PTPRT: variants seen among roughly 807,000 people sequenced by gnomAD.
PTPRT encodes receptor-type tyrosine-protein phosphatase T.
Under a neutral mutation model 176.8 loss-of-function variants are expected in PTPRT, and 56 were observed. That is an observed-to-expected ratio of 0.32 (90% CI 0.26 to 0.40). PTPRT has a LOEUF of 0.40. Among genes scored for constraint, PTPRT ranks in the 10% least tolerant of loss-of-function variants. The pLI is 1.00. For missense variants in PTPRT, 1,540 were observed against 1,908.2 expected, an observed-to-expected ratio of 0.81 and a Z score of 3.60; for synonymous variants, 783 against 739.0, an observed-to-expected ratio of 1.06 and a Z score of -0.96.
intron 1 of PTPRT, among the ~76,000 whole-genome samples, chr20:43,027,964 G>A (rs752752933): frequency 2.0e-5 from 3 of 152,056 alleles, no homozygotes; most frequent in Non-Finnish European, 2.9e-5. Flanking sequence ...AGCACTGCCC[G>A]TCACCCTAAG....
At chr20:42,626,749 G>C (rs6030376) in intron 7 of PTPRT, among the ~76,000 whole-genome samples, 59,790 of 152,060 alleles carry the variant, frequency 0.39, 14,114 homozygotes, top group African/African-American at 0.67. Context: ...AGGGCTGAGA[G>C]TTGAATCTGT....
At chr20:42,821,244 AG>A (rs2077888017) in intron 2 of PTPRT, among the ~76,000 whole-genome samples, 1 of 152,220 alleles carries the variant, frequency 6.6e-6, no homozygotes, top group Non-Finnish European at 1.5e-5. Context: ...CTGAGATGCA[AG>A]GCTGGTTCAA....
chr20:42,347,071 A>C (rs1471276187), intron 11 of PTPRT, among the ~76,000 whole-genome samples: 1 of 152,156 alleles, frequency 6.6e-6, no homozygotes, highest in Non-Finnish European at 1.5e-5. Context: ...AGGTCTATGC[A>C]CTGTCTTTAA....
chr20:42,777,156 G>T (rs1038753010), intron 4 of PTPRT, among the ~76,000 whole-genome samples: 2 of 152,072 alleles, frequency 1.3e-5, no homozygotes, highest in Non-Finnish European at 2.9e-5. Context: ...ACACAGAGCA[G>T]CCCAAGTGAC....
intron 9 of PTPRT, among the ~76,000 whole-genome samples, chr20:42,353,211 C>G (rs1010074886): frequency 6.6e-6 from 1 of 152,118 alleles, no homozygotes; most frequent in South Asian, 2.1e-4. Flanking sequence ...TAGAGCGTCC[C>G]GATGAGAATT....
intron 27 of PTPRT, among the ~76,000 whole-genome samples, chr20:42,088,389 T>G (rs1369553302): frequency 6.6e-6 from 1 of 152,188 alleles, no homozygotes; most frequent in Admixed American, 6.5e-5. Context: ...GCTCTCCACT[T>G]CGTGGCCGAA....
At chr20:43,149,558 C>G (rs1222734437) in intron 1 of PTPRT, among the ~76,000 whole-genome samples, 1 of 152,140 alleles carries the variant, frequency 6.6e-6, no homozygotes, top group African/African-American at 2.4e-5. Context: ...GGGCTGTGTC[C>G]CTTATCAGTT....
At chr20:42,971,731 C>T (rs1168412515) in intron 1 of PTPRT, among the ~76,000 whole-genome samples, 1 of 152,184 alleles carries the variant, frequency 6.6e-6, no homozygotes, top group Non-Finnish European at 1.5e-5. Context: ...ACAGGATCGC[C>T]AACACACAAG....
At chr20:42,101,548 G>A (rs1026294539) in intron 26 of PTPRT, among the ~76,000 whole-genome samples, 5 of 152,160 alleles carry the variant, frequency 3.3e-5, no homozygotes, top group Non-Finnish European at 5.9e-5. Context: ...ACAAGAAAGT[G>A]GGGGGCAGTG....
chr20:42,334,929 T>C (rs1312919910), intron 11 of PTPRT, among the ~76,000 whole-genome samples: 2 of 152,190 alleles, frequency 1.3e-5, no homozygotes, highest in Admixed American at 1.3e-4. Flanking sequence ...TCACTGTTAT[T>C]GCAGTGAAAT....
At chr20:43,170,175 C>T (rs753795685) in intron 1 of PTPRT, among the ~76,000 whole-genome samples, 9 of 130,814 alleles carry the variant, frequency 6.9e-5, no homozygotes, top group Admixed American at 1.5e-4. Flanking sequence ...GATATATATA[C>T]GGGGGAAATT....
the PTPRT span, among the ~76,000 whole-genome samples, chr20:42,051,811 G>A: frequency 4.6e-5 from 7 of 152,218 alleles, no homozygotes; most frequent in East Asian, 1.9e-4. Context: ...GTAGTGCAAC[G>A]TCGCAGACAG....
At chr20:42,779,361 A>AG (rs1362337819) in intron 4 of PTPRT, among the ~76,000 whole-genome samples, 1 of 152,186 alleles carries the variant, frequency 6.6e-6, no homozygotes, top group African/African-American at 2.4e-5. Context: ...GAGAGCCCAC[A>AG]GGGGGTTACC....
Position 43,034,711 on chromosome 20 carries a change from T to C in PTPRT, c.89-148779A>G, listed in dbSNP as rs532087143. 2.6e-5 allele frequency among the ~76,000 whole-genome samples: 4 copies of C among 151,726 alleles called. No homozygotes were observed. In the South Asian group the frequency reaches 6.3e-4, roughly 24 times the overall value. On this transcript the variant is annotated intron_variant, in intron 1 of 30. Coordinates refer to ENST00000373187, the MANE Select transcript of PTPRT (RefSeq NM_007050.6). ...AATATTTCAAAACCGTGAACACAGA[T>C]GTTAGAGGCAAATAAATTCACAGTA...
At chr20:42,957,603 A>T (rs1981719592) in intron 1 of PTPRT, among the ~76,000 whole-genome samples, 1 of 152,172 alleles carries the variant, frequency 6.6e-6, no homozygotes, top group South Asian at 2.1e-4. Context: ...CCTAACAGAG[A>T]CAAATGACAC....
chr20:42,201,730 CAA>C (rs57007206), intron 15 of PTPRT, among the ~76,000 whole-genome samples: 31,640 of 72,542 alleles, frequency 0.44, 3,443 homozygotes, highest in Non-Finnish European at 0.46. Flanking sequence ...GAACCAGAGG[CAA>C]AAAAAAAAAA....
chr20:42,922,285 T>C (rs561271487), intron 1 of PTPRT, among the ~76,000 whole-genome samples: 1 of 152,278 alleles, frequency 6.6e-6, no homozygotes, highest in Non-Finnish European at 1.5e-5. Flanking sequence ...CTCATCTTGA[T>C]ACCTACCTGG....
At chr20:42,259,162 A>G (rs1276396954) in intron 13 of PTPRT, among the ~76,000 whole-genome samples, 4 of 151,760 alleles carry the variant, frequency 2.6e-5, no homozygotes, top group Non-Finnish European at 4.4e-5. Context: ...TCCTGAATCT[A>G]TGCTTCCAGA....
chr20:42,826,213 C>T (rs2077990185), intron 2 of PTPRT, among the ~76,000 whole-genome samples: 2 of 152,248 alleles, frequency 1.3e-5, no homozygotes, highest in African/African-American at 2.4e-5. Context: ...CCAATTAGCT[C>T]TGAGTACCCA....
Sources: gnomAD v4.1 joint callset for allele counts (sites outside exome capture counted in the v4.1 genomes callset) on GRCh38, gnomAD v4.1.1 for gene constraint, MANE v1.5 for transcripts, NCBI Gene and HGNC (gene_info 2026-07-23, HGNC 2026-07-21) for gene names.